DPF1: variants seen among roughly 807,000 people sequenced by gnomAD.
DPF1 encodes the protein double PHD fingers 1.
A neutral mutation model predicts 58.7 loss-of-function variants in DPF1; 14 were observed. That is an observed-to-expected ratio of 0.24 (90% confidence interval 0.16 to 0.37). DPF1 has a LOEUF of 0.37. DPF1 is among the 10% of genes least tolerant of loss of function. The pLI, the probability that DPF1 is intolerant of heterozygous loss-of-function variation, is 1.00. For missense variants in DPF1, 345 were observed against 529.9 expected, an observed-to-expected ratio of 0.65 and a Z score of 3.43; for synonymous variants, 216 against 216.0, an observed-to-expected ratio of 1.00 and a Z score of 0.00.
intron 10 of DPF1, 70 bp from the exon 11 acceptor site, chr19:38,212,431 G>T: frequency 1.7e-6 from 1 of 603,712 alleles, no homozygotes. Flanking sequence ...GGGGGGCTGG[G>T]GCAGGGGCTA....
chr19:38,224,275 C>A (rs1967717779), upstream of DPF1: 1 of 1,259,640 alleles, frequency 7.9e-7, no homozygotes, highest in South Asian at 3.1e-5. This position sits in a 1 kb window ranked among gnomAD's most constrained non-coding sequence, Gnocchi z 4.5. Flanking sequence ...ATCGCGGCGA[C>A]GGGGCGGGCC....
rs568831370 is a variant in DPF1 at position 38,222,748 on chromosome 19, G to T, written c.30-40C>A. 7 of 1,533,928 alleles carry T rather than the reference G, an allele frequency of 4.6e-6. No homozygotes were observed. The East Asian group carries it at 1.8e-4, about 39-fold the overall frequency. ...AACGGGCGGGCGGCTGTCAGCAAGG[G>T]CAGGCGCACAGGGTCGCCCAGCACC... On this transcript the variant is annotated intron_variant, in intron 1 of 11. Coordinates refer to ENST00000355526, the MANE Select transcript of DPF1 (RefSeq NM_001135155.3). The surrounding 1 kb of genome is among the most constrained non-coding windows in gnomAD (Gnocchi z 4.9).
rs536866603 is a variant in DPF1 at position 38,220,135 on chromosome 19, C to T, written c.299-1077G>A. On this transcript the variant is annotated intron_variant, in intron 3 of 11. Coordinates refer to ENST00000355526, the MANE Select transcript of DPF1 (RefSeq NM_001135155.3). ...CCCGGGATGCGGAGGTTGCAGTGAGCCGAGATCGTGCCACTGCACTCCAAA... is the reference window on the plus strand; with the variant it reads ...CCCGGGATGCGGAGGTTGCAGTGAGTCGAGATCGTGCCACTGCACTCCAAA... Among the ~76,000 whole-genome samples, 21 of 144,004 alleles carry T rather than the reference C, an allele frequency of 1.5e-4. No individual in the cohort carries two copies. In the South Asian group the frequency reaches 4.4e-3, roughly 30 times the overall value. 94.5% of individuals were successfully genotyped at this position (144,004 alleles called of 152,430 possible).
At chr19:38,213,910 A>G (rs893387489) in intron 9 of DPF1, 154 bp from the exon 10 acceptor site, 2 of 613,560 alleles carry the variant, frequency 3.3e-6, no homozygotes, top group African/African-American at 3.7e-5. Flanking sequence ...CTGCCCAGCA[A>G]CCACGTGGCC....
At chr19:38,216,471 G>T (rs780207559) in intron 7 of DPF1, 68 bp from the exon 8 acceptor site, 29 of 1,497,548 alleles carry the variant, frequency 1.9e-5, no homozygotes, top group Non-Finnish European at 2.5e-5. Context: ...CCCAGCCTCA[G>T]CCCCAAGGAT....
intron 3 of DPF1, among the ~76,000 whole-genome samples, chr19:38,221,497 G>A (rs1002501361): frequency 6.7e-5 from 10 of 150,206 alleles, no homozygotes; most frequent in East Asian, 2.0e-4. Flanking sequence ...CTGAGATTGC[G>A]CCACTGTACT....
At position 38,222,740 on chromosome 19, in the gene DPF1, C is replaced by T. The variant is rs937292867; in HGVS notation, c.30-32G>A. ...GGGCGGCGAACGGGCGGGCGGCTGT[C>T]AGCAAGGGCAGGCGCACAGGGTCGC... On this transcript the variant is annotated intron_variant, in intron 1 of 11. Coordinates refer to ENST00000355526, the MANE Select transcript of DPF1 (RefSeq NM_001135155.3). The surrounding 1 kb of genome is among the most constrained non-coding windows in gnomAD (Gnocchi z 4.9). The T allele has an allele frequency of 2.6e-6, 4 of 1,544,642 alleles. No homozygotes were observed. In the Admixed American group the frequency reaches 7.6e-5, roughly 29 times the overall value.
Position 38,219,076 on chromosome 19 carries a change from G to A in DPF1, c.299-18C>T, listed in dbSNP as rs777023745. 8.7e-6 allele frequency: 14 copies of A among 1,612,896 alleles called. No homozygotes were observed. The highest frequency in any genetic ancestry group is 2.7e-5 in the African/African-American group (2 of 74,932). ...TTCACAGTCTGGGGACAGGGCCATG[G>A]GGGGGTCAGATGGGGAAGTTGACCC... On this transcript the variant is annotated intron_variant, in intron 3 of 11. Coordinates refer to ENST00000355526, the MANE Select transcript of DPF1 (RefSeq NM_001135155.3).
chr19:38,228,620 C>T (rs991288571), upstream of DPF1: 1 of 151,746 alleles, frequency 6.6e-6, no homozygotes, highest in East Asian at 2.0e-4. Context: ...ACTTGGAGCC[C>T]GCTGTCACCG....
chr19:38,218,094 C>A (rs759643312), intron 5 of DPF1, among the ~76,000 whole-genome samples: 1 of 152,030 alleles, frequency 6.6e-6, no homozygotes, highest in Non-Finnish European at 1.5e-5. Flanking sequence ...CCCAGCTACT[C>A]GGGAGGCTGA....
rs1305024146 is a variant in DPF1 at position 38,216,230 on chromosome 19, G to A, written c.808C>T (p.Pro270Ser). The A allele has an allele frequency of 6.2e-7, 1 of 1,614,090 alleles. No homozygotes were observed. The highest frequency in any genetic ancestry group is 8.5e-7 in the Non-Finnish European group (1 of 1,180,030). Reference sequence around the variant, plus strand: ...AGGCAGAAGTCACAGTAGCCGTTGGGGATGACAGTGCCGTCGGGCGCCTTC... The same window carrying A: ...AGGCAGAAGTCACAGTAGCCGTTGGAGATGACAGTGCCGTCGGGCGCCTTC... ...AKKAPDGTVI[P>S]NGYCDFCLGG... The change falls in exon 9 of 12, where the codon CCC becomes TCC. Residue 270 changes from proline to serine, a missense_variant. Transcript: ENST00000355526.
In DPF1 at chr19:38,222,151, G is replaced by A. The variant is rs1195970990; in HGVS notation, c.298+206C>T. Among the ~76,000 whole-genome samples, 1 of 151,132 alleles carries A rather than the reference G, an allele frequency of 6.6e-6. No individual in the cohort carries two copies. The highest frequency in any genetic ancestry group is 2.0e-4 in the East Asian group (1 of 5,112). Reference sequence around the variant, plus strand: ...AATAAATAACAACAACTGGGCACCTGGGCCCATGTAGGAGGAGATGCAGTC... The same window carrying A: ...AATAAATAACAACAACTGGGCACCTAGGCCCATGTAGGAGGAGATGCAGTC... On this transcript the variant is annotated intron_variant, in intron 3 of 11. Transcript: ENST00000355526. This position sits in a 1 kb window ranked among gnomAD's most constrained non-coding sequence, Gnocchi z 4.9.
chr19:38,217,498 C>T lies in DPF1; in HGVS notation c.689G>A (p.Arg230His), dbSNP rs1347418240. The T allele has an allele frequency of 1.3e-6, 2 of 1,546,528 alleles. No homozygotes were observed. The highest frequency in any genetic ancestry group is 8.7e-7 in the Non-Finnish European group (1 of 1,144,434). The part of the protein sequence containing the change: ...AEEEGEENAE[R>H]HALPFHRKNN... ...TTTCCGGTGGAAGGGCAGGGCGTGG[C>T]GTTCGGCGTTCTCCTCCCCCTCCTC... is the stretch of plus-strand genomic sequence containing the variant. The change falls in exon 7 of 12, where the codon CGC becomes CAC. Residue 230 changes from arginine to histidine, a missense_variant. Physicochemically the swap from Arg to His is conservative, Grantham distance 29. Transcript: ENST00000355526.
rs370246923 is a variant in DPF1, at chr19:38,222,871, G to T, written c.30-163C>A. The T allele has an allele frequency of 2.8e-6, 3 of 1,083,346 alleles. No homozygotes were observed. Among genetic ancestry groups the T allele is most frequent in the Non-Finnish European group, 3.7e-6 (3 of 800,660 alleles). 67.1% of individuals were successfully genotyped at this position (1,083,346 alleles called of 1,614,324 possible). ...TCCCACTCCGGGACCCAGGCTGGGG[G>T]AAGGGGACAGGGCCCAGGGGCCCCC... On this transcript the variant is annotated intron_variant, in intron 1 of 11. Transcript: ENST00000355526. The surrounding 1 kb of genome is among the most constrained non-coding windows in gnomAD (Gnocchi z 4.9).
At chr19:38,223,704 C>T (rs1359230100) in intron 1 of DPF1, 1 of 163,328 alleles carries the variant, frequency 6.1e-6, no homozygotes, top group Non-Finnish European at 1.3e-5. Context: ...GTCCACACAC[C>T]TATCCCCCAA....
Position 38,213,624 on chromosome 19 carries a change from G to C in DPF1, c.1011+20C>G. On this transcript the variant is annotated intron_variant, in intron 10 of 11. Coordinates refer to ENST00000355526, the MANE Select transcript of DPF1 (RefSeq NM_001135155.3). ...AGGCGGGGCGGGCAGCAGGGCACGC[G>C]GGGGGCGGGCGGCACTCACGTCGTT... 6.2e-7 allele frequency: 1 copy of C among 1,605,610 alleles called. No homozygotes were observed. The highest frequency in any genetic ancestry group is 8.5e-7 in the Non-Finnish European group (1 of 1,174,166).
At chr19:38,214,340 C>T (rs1376785135) in intron 9 of DPF1, among the ~76,000 whole-genome samples, 3 of 152,336 alleles carry the variant, frequency 2.0e-5, no homozygotes, top group South Asian at 4.1e-4. Context: ...CACCCGCAGC[C>T]GCTACCTGCA....
intron 10 of DPF1, among the ~76,000 whole-genome samples, chr19:38,212,889 A>G (rs998818928): frequency 6.7e-6 from 1 of 148,504 alleles, no homozygotes; most frequent in African/African-American, 2.5e-5. Context: ...CTGGGATTAC[A>G]CAGGTGGGCC....
At chr19:38,228,221 C>T (rs1432128201), upstream of DPF1, among the ~76,000 whole-genome samples, 1 of 152,142 alleles carries the variant, frequency 6.6e-6, no homozygotes, top group African/African-American at 2.4e-5. Flanking sequence ...CGAAGCCACA[C>T]GTGTAGGCGC....
Sources: gnomAD v4.1 joint callset for allele counts (sites outside exome capture counted in the v4.1 genomes callset) on GRCh38, gnomAD v4.1.1 for gene constraint, Gnocchi (gnomAD v3.1) non-coding constraint, MANE v1.5 for transcripts, NCBI Gene and HGNC (gene_info 2026-07-23, HGNC 2026-07-21) for gene names.